The following TENM3 variants were observed in gnomAD, a reference collection of about 807,000 sequenced individuals.
The protein encoded by TENM3 is teneurin-3.
In TENM3, 63 loss-of-function variants were observed where a neutral mutation model predicts 255.1. The observed-to-expected ratio is 0.25, with a 90% CI of 0.20 to 0.30. The LOEUF (loss-of-function observed/expected upper bound fraction) is 0.30. Ranked by LOEUF, TENM3 falls within the 10% of genes least tolerant of loss-of-function variation. TENM3 has a pLI of 1.00. For missense variants in TENM3, 2,929 were observed against 3,461.1 expected, an observed-to-expected ratio of 0.85 and a Z score of 3.86; for synonymous variants, 1,306 against 1,322.3, an observed-to-expected ratio of 0.99 and a Z score of 0.27.
intron 3 of TENM3, among the ~76,000 whole-genome samples, chr4:182,377,932 G>A (rs1767287605): frequency 1.3e-5 from 2 of 152,218 alleles, no homozygotes; most frequent in African/African-American, 4.8e-5. Flanking sequence ...AGCAAATGTG[G>A]TAGAATGAAA....
At chr4:181,740,985 G>C in the TENM3 span, among the ~76,000 whole-genome samples, 2 of 152,104 alleles carry the variant, frequency 1.3e-5, no homozygotes, top group African/African-American at 4.8e-5. Flanking sequence ...AGCTGAAGTG[G>C]AGAAAAATTG....
At chr4:181,555,411 A>G in the TENM3 span, among the ~76,000 whole-genome samples, 1 of 152,238 alleles carries the variant, frequency 6.6e-6, no homozygotes. Flanking sequence ...TTCTGCTCCA[A>G]CTGTGTTAAT....
intron 3 of TENM3, among the ~76,000 whole-genome samples, chr4:182,409,171 T>C (rs1006599728): frequency 2.6e-5 from 4 of 152,216 alleles, no homozygotes; most frequent in African/African-American, 9.6e-5. Flanking sequence ...AGATCCTTTC[T>C]GTCCAGGTGA....
the TENM3 span, among the ~76,000 whole-genome samples, chr4:181,848,180 A>G: frequency 1.3e-5 from 2 of 152,202 alleles, no homozygotes; most frequent in Admixed American, 1.3e-4. Flanking sequence ...GCGAATTAAG[A>G]AAGAACAAAA....
the TENM3 span, among the ~76,000 whole-genome samples, chr4:182,127,287 T>A: frequency 6.6e-6 from 1 of 152,234 alleles, no homozygotes; most frequent in Non-Finnish European, 1.5e-5. Context: ...ACTTTCATAA[T>A]TGTACGTTCC....
At chr4:181,494,957 C>T in the TENM3 span, among the ~76,000 whole-genome samples, 1 of 152,036 alleles carries the variant, frequency 6.6e-6, no homozygotes, top group Admixed American at 6.6e-5. Flanking sequence ...TCATCTTGTT[C>T]GGAGAAGTTA....
chr4:182,282,601 T>C (rs926275589), intron 1 of TENM3, among the ~76,000 whole-genome samples: 3 of 151,960 alleles, frequency 2.0e-5, no homozygotes, highest in Non-Finnish European at 4.4e-5. Flanking sequence ...TACAAATTTA[T>C]GGTTAAATGG....
the TENM3 span, among the ~76,000 whole-genome samples, chr4:181,740,454 T>C: frequency 6.6e-6 from 1 of 152,150 alleles, no homozygotes; most frequent in African/African-American, 2.4e-5. Context: ...ACTACATATA[T>C]TTTTAAAGGA....
At chr4:181,673,450 G>A in the TENM3 span, among the ~76,000 whole-genome samples, 2 of 152,102 alleles carry the variant, frequency 1.3e-5, no homozygotes, top group African/African-American at 4.8e-5. Flanking sequence ...TTATTGGTTG[G>A]TGATAAGAAT....
intron 3 of TENM3, among the ~76,000 whole-genome samples, chr4:182,470,906 G>T (rs573599961): frequency 1.3e-5 from 2 of 152,232 alleles, no homozygotes; most frequent in South Asian, 4.1e-4. Flanking sequence ...GGGTGTTCAG[G>T]AAATTAGATT....
At chr4:182,078,636 T>G in the TENM3 span, among the ~76,000 whole-genome samples, 4 of 152,308 alleles carry the variant, frequency 2.6e-5, no homozygotes, top group African/African-American at 9.6e-5. Context: ...TTCTCACTGC[T>G]GTGGAAAACT....
the TENM3 span, among the ~76,000 whole-genome samples, chr4:182,106,470 C>T: frequency 6.6e-6 from 1 of 152,110 alleles, no homozygotes; most frequent in Non-Finnish European, 1.5e-5. Context: ...AAAATAAAAA[C>T]CAAAAAATAA....
intron 13 of TENM3, among the ~76,000 whole-genome samples, 160 bp downstream of exon 13, chr4:182,714,393 A>G (rs1403132653): frequency 6.7e-6 from 1 of 149,796 alleles, no homozygotes; most frequent in Non-Finnish European, 1.5e-5. Flanking sequence ...TGATAGAATG[A>G]TTTTGCTCTC....
the TENM3 span, among the ~76,000 whole-genome samples, chr4:182,041,765 G>A: frequency 1.3e-5 from 2 of 152,160 alleles, no homozygotes; most frequent in African/African-American, 4.8e-5. Flanking sequence ...GAACCAAAAT[G>A]TCTCCAGTCT....
intron 1 of TENM3, among the ~76,000 whole-genome samples, chr4:182,166,292 T>G (rs1275267197): frequency 2.0e-5 from 3 of 152,202 alleles, no homozygotes; most frequent in Non-Finnish European, 4.4e-5. Context: ...CACCTTTTTC[T>G]AAAGCCATTC....
chr4:182,166,435 A>G (rs1189520622), intron 1 of TENM3, among the ~76,000 whole-genome samples: 1 of 152,138 alleles, frequency 6.6e-6, no homozygotes, highest in East Asian at 1.9e-4. Context: ...GCACAGGTAA[A>G]TCTTAAAATT....
chr4:182,766,447 G>A (rs1209031365), intron 22 of TENM3, among the ~76,000 whole-genome samples: 1 of 152,000 alleles, frequency 6.6e-6, no homozygotes, highest in East Asian at 1.9e-4. Context: ...AGAATCCTTC[G>A]AATCCCTAAG....
the TENM3 span, among the ~76,000 whole-genome samples, chr4:181,777,991 G>A: frequency 2.6e-4 from 39 of 152,080 alleles, no homozygotes; most frequent in African/African-American, 5.1e-4. Flanking sequence ...TTACCTACCC[G>A]TTACTTATGC....
chr4:182,540,458 G>T (rs533642863), intron 3 of TENM3, among the ~76,000 whole-genome samples: 3 of 152,076 alleles, frequency 2.0e-5, no homozygotes, highest in African/African-American at 7.2e-5. Context: ...GCATGGTGGC[G>T]CATGCCTGTA....
Sources: allele counts gnomAD v4.1 joint callset (sites outside exome capture counted in the v4.1 genomes callset), GRCh38; gene constraint gnomAD v4.1.1; transcripts MANE v1.5; gene names NCBI Gene and HGNC (gene_info 2026-07-23, HGNC 2026-07-21).